Variants in HSPA4 observed in about 807,000 individuals in gnomAD.
The protein encoded by HSPA4 is heat shock protein family A (Hsp70) member 4.
HSPA4 carries 25 observed loss-of-function variants against 106.2 expected under a neutral mutation model. The ratio of observed to expected loss-of-function variants is 0.24; its 90% CI spans 0.17 to 0.33. The LOEUF (loss-of-function observed/expected upper bound fraction) is 0.33. Ranked by LOEUF, HSPA4 falls within the 10% of genes least tolerant of loss-of-function variation. HSPA4 has a pLI of 1.00. For synonymous variants in HSPA4, 332 were observed against 333.6 expected (o/e 1.00, Z 0.05); for missense variants, 841 against 996.0 (o/e 0.84, Z 2.10).
intron 3 of HSPA4, among the ~76,000 whole-genome samples, chr5:133,069,071 AAGAAG>A (rs1765347838): frequency 6.6e-6 from 1 of 152,168 alleles, no homozygotes; most frequent in Non-Finnish European, 1.5e-5. Flanking sequence ...CAGCAGCTAA[AAGAAG>A]AGAGCAACAT....
At chr5:133,100,394 C>T (rs1765769865) in intron 16 of HSPA4, among the ~76,000 whole-genome samples, 1 of 149,764 alleles carries the variant, frequency 6.7e-6, no homozygotes, top group South Asian at 2.1e-4. Flanking sequence ...GTATTTAAAG[C>T]ATCTGATCTT....
intron 2 of HSPA4, among the ~76,000 whole-genome samples, chr5:133,065,647 G>C (rs1265406584): frequency 1.3e-5 from 2 of 152,192 alleles, no homozygotes; most frequent in Non-Finnish European, 2.9e-5. Flanking sequence ...CCTTAAGTCT[G>C]TCTTGTTGGG....
At position 133,052,211 on chromosome 5, in the gene HSPA4, T is replaced by C. The variant is rs1464692990; in HGVS notation, c.-40T>C. On this transcript the variant is annotated 5_prime_UTR_variant, in exon 1 of 19. Coordinates refer to ENST00000304858, the MANE Select transcript of HSPA4 (RefSeq NM_002154.4). ...GCCGGGGGTCCGTGTCCTGTCTCGGTGGCCGGACCCGGGCCCGAGCCCGAG... is the reference window on the plus strand; with the variant it reads ...GCCGGGGGTCCGTGTCCTGTCTCGGCGGCCGGACCCGGGCCCGAGCCCGAG... 1 of 1,417,228 alleles carries C rather than the reference T, an allele frequency of 7.1e-7. No homozygotes were observed. Among genetic ancestry groups the C allele is most frequent in the Non-Finnish European group, 9.7e-7 (1 of 1,035,072 alleles). The allele number at this position is 1,417,228 out of a possible 1,614,324, so 87.8% of individuals were successfully genotyped here.
chr5:133,075,218 A>G (rs1471701685), intron 6 of HSPA4, among the ~76,000 whole-genome samples: 4 of 152,254 alleles, frequency 2.6e-5, no homozygotes, highest in South Asian at 4.1e-4. Flanking sequence ...TTTGACAGCT[A>G]TAAATGGTGG....
At chr5:133,057,592 A>T (rs946286266) in intron 1 of HSPA4, among the ~76,000 whole-genome samples, 1 of 152,208 alleles carries the variant, frequency 6.6e-6, no homozygotes, top group East Asian at 1.9e-4. Flanking sequence ...TGTTCATAAT[A>T]TCCTCTCAGA....
In HSPA4 at chr5:133,103,364, CCTT is replaced by C. The variant is rs199947078; in HGVS notation, c.2158-491_2158-489del. 5.6e-3 allele frequency among the ~76,000 whole-genome samples: 840 copies of C among 151,318 alleles called. 11 individuals are homozygous for C. Among genetic ancestry groups the C allele is most frequent in the East Asian group, 0.028 (143 of 5,110 alleles). On this transcript the variant is annotated intron_variant, in intron 17 of 18. Coordinates refer to ENST00000304858, the MANE Select transcript of HSPA4 (RefSeq NM_002154.4). ...GAGCCACCACGCCTAGCCCGAAAGGCCTTCTTCTTCTTTTTTTTTTTTGAGATG... is the reference window on the plus strand; with the variant it reads ...GAGCCACCACGCCTAGCCCGAAAGGCCTTCTTCTTTTTTTTTTTTGAGATG...
At chr5:133,056,002 T>C (rs1381526471) in intron 1 of HSPA4, among the ~76,000 whole-genome samples, 1 of 152,140 alleles carries the variant, frequency 6.6e-6, no homozygotes, top group Non-Finnish European at 1.5e-5. Flanking sequence ...CGCTTGAACC[T>C]GGTAGGTGGA....
chr5:133,096,022 T>C (rs552943651), intron 13 of HSPA4, 76 bp from the exon 14 acceptor site: 38 of 1,330,296 alleles, frequency 2.9e-5, no homozygotes, highest in Non-Finnish European at 3.6e-5. Context: ...GCAAAAACAG[T>C]TTTCCAACAT....
intron 8 of HSPA4, among the ~76,000 whole-genome samples, chr5:133,087,214 T>TG (rs1765588043): frequency 6.6e-6 from 1 of 152,192 alleles, no homozygotes; most frequent in Non-Finnish European, 1.5e-5. Context: ...TACAGCAAAG[T>TG]GGGAAGGTAG....
At chr5:133,098,479 T>C in intron 15 of HSPA4, among the ~76,000 whole-genome samples, 1 of 62,318 alleles carries the variant, frequency 1.6e-5, no homozygotes, top group Admixed American at 1.1e-4. Context: ...GCCTGGCTAA[T>C]TTTTTTTTTT....
At chr5:133,089,397 C>T (rs1474991841) in intron 10 of HSPA4, among the ~76,000 whole-genome samples, 165 bp from the exon 11 acceptor site, 1 of 152,060 alleles carries the variant, frequency 6.6e-6, no homozygotes, top group African/African-American at 2.4e-5. Flanking sequence ...TCCTTTTTTA[C>T]TGACTTTATA....
chr5:133,080,177 G>T (rs1452143905), intron 7 of HSPA4, among the ~76,000 whole-genome samples: 1 of 151,442 alleles, frequency 6.6e-6, no homozygotes, highest in Admixed American at 6.6e-5. Context: ...ACTTTGGGAC[G>T]TCGAGGTGGG....
chr5:133,063,696 G>A (rs1310694942), intron 1 of HSPA4, among the ~76,000 whole-genome samples: 1 of 152,068 alleles, frequency 6.6e-6, no homozygotes, highest in Non-Finnish European at 1.5e-5. Context: ...GCCCCCCAAA[G>A]TGCTGGAATT....
At chr5:133,053,558 C>A (rs1232083876) in intron 1 of HSPA4, among the ~76,000 whole-genome samples, 2 of 152,102 alleles carry the variant, frequency 1.3e-5, no homozygotes, top group Non-Finnish European at 2.9e-5. Flanking sequence ...CTATGTCACT[C>A]AGGATGGTCT....
intron 7 of HSPA4, 46 bp from the exon 8 acceptor site, chr5:133,086,736 T>G: frequency 7.6e-7 from 1 of 1,323,000 alleles, no homozygotes; most frequent in Non-Finnish European, 1.1e-6. Flanking sequence ...AAAAGTGGCA[T>G]GTGATTTAAT....
At chr5:133,091,059 G>A (rs183978883) in intron 11 of HSPA4, 134 bp from the exon 12 acceptor site, 77 of 793,160 alleles carry the variant, frequency 9.7e-5, no homozygotes, top group Admixed American at 6.8e-4. Flanking sequence ...TAAAAGGACC[G>A]ATTTTGCTTA....
intron 2 of HSPA4, among the ~76,000 whole-genome samples, chr5:133,067,033 A>T (rs1765316197): frequency 6.6e-6 from 1 of 152,144 alleles, no homozygotes; most frequent in African/African-American, 2.4e-5. Context: ...TTCTAAATCA[A>T]TTTATGTATT....
intron 2 of HSPA4, among the ~76,000 whole-genome samples, chr5:133,066,471 C>T (rs935185066): frequency 6.6e-6 from 1 of 152,182 alleles, no homozygotes; most frequent in Non-Finnish European, 1.5e-5. Flanking sequence ...GTGTAAGTCA[C>T]CTGTTCAACC....
chr5:133,077,321 C>CT (rs1304447712), intron 7 of HSPA4, among the ~76,000 whole-genome samples: 1 of 152,110 alleles, frequency 6.6e-6, no homozygotes, highest in Non-Finnish European at 1.5e-5. Context: ...TCACTGCAAC[C>CT]TCCACCCCCA....
Sources: allele counts gnomAD v4.1 joint callset (sites outside exome capture counted in the v4.1 genomes callset), GRCh38; gene constraint gnomAD v4.1.1; transcripts MANE v1.5; gene names NCBI Gene and HGNC (gene_info 2026-07-23, HGNC 2026-07-21).